The following MMP16 variants were observed in gnomAD, a reference collection of about 807,000 sequenced individuals.
MMP16 encodes matrix metallopeptidase 16, also known as matrix metalloproteinase-16.
MMP16 carries 12 observed loss-of-function variants against 67.8 expected under a neutral mutation model. That is an observed-to-expected ratio of 0.18 (90% CI 0.11 to 0.29). The LOEUF (loss-of-function observed/expected upper bound fraction) is 0.29. Ranked by LOEUF, MMP16 falls within the 10% of genes least tolerant of loss-of-function variation. The pLI is 1.00. For synonymous variants in MMP16, 249 were observed against 255.9 expected (o/e 0.97, Z 0.26); for missense variants, 475 against 765.7 (o/e 0.62, Z 4.48).
chr8:88,266,226 A>G (rs753116336), intron 1 of MMP16, among the ~76,000 whole-genome samples: 1 of 152,164 alleles, frequency 6.6e-6, no homozygotes, highest in Non-Finnish European at 1.5e-5. Flanking sequence ...AAACCAAGAG[A>G]GTAAATAGAC....
At chr8:88,220,386 TG>T (rs908452970) in intron 1 of MMP16, among the ~76,000 whole-genome samples, 1 of 152,184 alleles carries the variant, frequency 6.6e-6, no homozygotes, top group East Asian at 1.9e-4. Flanking sequence ...GGAACCAGAC[TG>T]TTCTATAGAA....
At chr8:88,077,793 GT>G (rs1808675634) in intron 6 of MMP16, among the ~76,000 whole-genome samples, 1 of 152,052 alleles carries the variant, frequency 6.6e-6, no homozygotes, top group South Asian at 2.1e-4. Context: ...AATTATAAAA[GT>G]TATGAAGGGG....
intron 7 of MMP16, among the ~76,000 whole-genome samples, chr8:88,063,393 CA>C (rs892113830): frequency 1.3e-5 from 2 of 151,424 alleles, no homozygotes; most frequent in African/African-American, 4.9e-5. Flanking sequence ...AACAGACTAG[CA>C]GAGAAAATAG....
intron 4 of MMP16, among the ~76,000 whole-genome samples, chr8:88,158,982 G>T (rs1435123455): frequency 6.6e-6 from 1 of 152,158 alleles, no homozygotes; most frequent in African/African-American, 2.4e-5. Context: ...TTGTAGATGT[G>T]TGGTGTTATT....
intron 1 of MMP16, among the ~76,000 whole-genome samples, chr8:88,251,173 C>A (rs942179849): frequency 5.3e-5 from 8 of 151,372 alleles, no homozygotes; most frequent in Non-Finnish European, 1.2e-4. Context: ...AATCCAGAGC[C>A]CGCATCGCCA....
chr8:88,193,701 T>A lies in MMP16; in HGVS notation c.281+3457A>T, dbSNP rs1258856248. On this transcript the variant is annotated intron_variant, in intron 2 of 9. Coordinates refer to ENST00000286614, the MANE Select transcript of MMP16 (RefSeq NM_005941.5). ...CTGTATCAAAACATAACAAGTACCC[T>A]ATAAATATATAGGACTATTATATAT... is the stretch of plus-strand genomic sequence containing the variant. 2.0e-5 allele frequency among the ~76,000 whole-genome samples: 3 copies of A among 152,158 alleles called. No individual in the cohort carries two copies. The East Asian group carries it at 5.8e-4, about 29-fold the overall frequency.
At chr8:88,147,556 T>G (rs1198773659) in intron 4 of MMP16, among the ~76,000 whole-genome samples, 2 of 152,114 alleles carry the variant, frequency 1.3e-5, no homozygotes, top group African/African-American at 4.8e-5. Flanking sequence ...TGCCTCACTT[T>G]TTATACTTTT....
At chr8:88,228,658 C>T (rs1809809265) in intron 1 of MMP16, among the ~76,000 whole-genome samples, 1 of 151,804 alleles carries the variant, frequency 6.6e-6, no homozygotes, top group South Asian at 2.1e-4. Context: ...GTCTTAAAAC[C>T]AAAAATATGT....
intron 1 of MMP16, among the ~76,000 whole-genome samples, chr8:88,224,889 C>G (rs1266911229): frequency 3.3e-5 from 5 of 151,868 alleles, no homozygotes; most frequent in Non-Finnish European, 1.5e-5. Flanking sequence ...ACCACACAAC[C>G]TTTAAATTAT....
chr8:88,046,835 A>G, intron 8 of MMP16, 51 bp from the exon 9 acceptor site: 1 of 1,179,158 alleles, frequency 8.5e-7, no homozygotes, highest in Non-Finnish European at 1.2e-6. Context: ...ACATATAGGG[A>G]AAGATTATGC....
chr8:88,188,043 A>G (rs1809101604), intron 2 of MMP16, among the ~76,000 whole-genome samples: 1 of 152,112 alleles, frequency 6.6e-6, no homozygotes, highest in Non-Finnish European at 1.5e-5. Context: ...TCCTAAACAC[A>G]CTGAATTTGA....
At chr8:88,201,913 T>C (rs755802326) in intron 1 of MMP16, among the ~76,000 whole-genome samples, 7 of 152,282 alleles carry the variant, frequency 4.6e-5, no homozygotes, top group South Asian at 4.1e-4. Flanking sequence ...GTGGCCTACA[T>C]TTTCTCGTCT....
At chr8:88,140,927 A>C (rs1166976345) in intron 4 of MMP16, among the ~76,000 whole-genome samples, 1 of 152,196 alleles carries the variant, frequency 6.6e-6, no homozygotes, top group Non-Finnish European at 1.5e-5. Flanking sequence ...TTCTATGTGA[A>C]AAGTCATCAA....
intron 1 of MMP16, among the ~76,000 whole-genome samples, chr8:88,245,473 G>C (rs1438399222): frequency 6.6e-6 from 1 of 152,136 alleles, no homozygotes; most frequent in East Asian, 1.9e-4. Context: ...CCCTGTGTAA[G>C]GGTGAAGAGA....
At chr8:88,259,726 G>A (rs1032714017) in intron 1 of MMP16, among the ~76,000 whole-genome samples, 2 of 152,012 alleles carry the variant, frequency 1.3e-5, no homozygotes, top group South Asian at 2.1e-4. Flanking sequence ...AATACTATGC[G>A]GACATAAAAA....
chr8:88,130,714 T>A (rs1315380020), intron 4 of MMP16, among the ~76,000 whole-genome samples: 1 of 151,558 alleles, frequency 6.6e-6, no homozygotes, highest in Non-Finnish European at 1.5e-5. Flanking sequence ...CTTTCTAGGA[T>A]ACATGACTTG....
At chr8:88,091,401 C>T (rs1808933730) in intron 6 of MMP16, among the ~76,000 whole-genome samples, 1 of 151,766 alleles carries the variant, frequency 6.6e-6, no homozygotes, top group Non-Finnish European at 1.5e-5. Flanking sequence ...GAGGTTAATG[C>T]TCTTCCATTC....
At chr8:88,272,547 C>T (rs180775133) in intron 1 of MMP16, among the ~76,000 whole-genome samples, 106 of 152,198 alleles carry the variant, frequency 7.0e-4, no homozygotes, top group Middle Eastern at 3.4e-3. Context: ...AAACTAAGAA[C>T]GCACTATAGT....
intron 3 of MMP16, among the ~76,000 whole-genome samples, chr8:88,170,769 G>A (rs1808787374): frequency 6.6e-6 from 1 of 152,148 alleles, no homozygotes; most frequent in South Asian, 2.1e-4. Context: ...TGGTGAGAAC[G>A]CCAAACAAAC....
Sources: gnomAD v4.1 joint callset for allele counts (sites outside exome capture counted in the v4.1 genomes callset) on GRCh38, gnomAD v4.1.1 for gene constraint, MANE v1.5 for transcripts, NCBI Gene and HGNC (gene_info 2026-07-23, HGNC 2026-07-21) for gene names.